GPC2: variants seen among roughly 807,000 people sequenced by gnomAD.
GPC2 encodes the protein glypican 2, also known as glypican-2.
Under a neutral mutation model 57.3 loss-of-function variants are expected in GPC2, and 42 were observed. The observed-to-expected ratio is 0.73, with a 90% CI of 0.57 to 0.95. GPC2 has a LOEUF of 0.95. Ranked by LOEUF, GPC2 falls within the 40% of genes least tolerant of loss-of-function variation. GPC2 has a pLI of 0.00. For missense variants in GPC2, 745 were observed against 793.6 expected (o/e 0.94, Z 0.74); for synonymous variants, 364 against 343.4 (o/e 1.06, Z -0.66).
rs1458449891 is a variant in GPC2 at position 100,175,262 on chromosome 7, C to T, written c.648+310G>A. ...TGAACCAGAGGAAGTCAAGGTGTTA[C>T]GATTAGGAAGGGGTTGGCACAAAGG... On this transcript the variant is annotated intron_variant, in intron 3 of 9. Transcript: ENST00000292377. Among the ~76,000 whole-genome samples, 3 of 152,204 alleles carry T rather than the reference C, an allele frequency of 2.0e-5. No homozygotes were observed. The South Asian group carries it at 6.2e-4, about 32-fold the overall frequency.
At chr7:100,172,295 G>C in intron 5 of GPC2, 78 bp from the exon 6 acceptor site, 4 of 1,473,938 alleles carry the variant, frequency 2.7e-6, no homozygotes, top group Non-Finnish European at 3.7e-6. Context: ...ATCCTCACTC[G>C]GGCCTTAGAG....
Position 100,176,306 on chromosome 7 carries a change from T to C in GPC2, c.226A>G (p.Arg76Gly). Reference protein sequence around the residue: ...YTCCSSETEQRLIRETEATFR... With the variant: ...YTCCSSETEQGLIRETEATFR... ...GTGGCCTCAGTCTCCCTGATCAGCCTCTGCTCTGTCTCACTGGAACAGCAG... is the reference window on the plus strand; with the variant it reads ...GTGGCCTCAGTCTCCCTGATCAGCCCCTGCTCTGTCTCACTGGAACAGCAG... Residue 76 changes from arginine to glycine, a missense_variant, in exon 2 of 10, where the codon AGG (arginine) becomes GGG (glycine). Transcript: ENST00000292377. 1 of 1,614,084 alleles carries C rather than the reference T, an allele frequency of 6.2e-7. No homozygotes were observed. The highest frequency in any genetic ancestry group is 1.7e-4 in the Middle Eastern group (1 of 6,060).
intron 1 of GPC2, 148 bp from the exon 2 acceptor site, chr7:100,176,513 C>T: frequency 1.4e-6 from 1 of 726,564 alleles, no homozygotes; most frequent in South Asian, 1.9e-5. Context: ...TGAACCTATC[C>T]CCTACCTTAT....
At chr7:100,174,559 A>G (rs900802459) in intron 4 of GPC2, 126 bp downstream of exon 4, 1 of 735,796 alleles carries the variant, frequency 1.4e-6, no homozygotes, top group Admixed American at 2.0e-5. Flanking sequence ...CTAGGACACC[A>G]GGGCCTGGAG....
Position 100,175,590 on chromosome 7 carries a change from G to C in GPC2, c.630C>G (p.Pro210=), listed in dbSNP as rs1799252340. 6.2e-7 allele frequency: 1 copy of C among 1,610,914 alleles called. No homozygotes were observed. The highest frequency in any genetic ancestry group is 1.7e-5 in the Admixed American group (1 of 59,524). ...DGSLQPFGDS[P]RRLRLQITRT... Reference sequence around the variant, plus strand: ...CCCTCACCTGCAGGCGGAGGCGGCGGGGTGAGTCCCCAAAGGGCTGCAGAG... The same window carrying C: ...CCCTCACCTGCAGGCGGAGGCGGCGCGGTGAGTCCCCAAAGGGCTGCAGAG... The change falls in exon 3 of 10, where the codon CCC becomes CCG. Residue 210 remains proline, a synonymous_variant. Transcript: ENST00000292377.
rs1414676071 is a variant in GPC2 at position 100,170,457 on chromosome 7, C to A, written c.1513G>T (p.Gly505Ter). 6.4e-7 allele frequency: 1 copy of A among 1,563,524 alleles called. No individual in the cohort carries two copies. Among genetic ancestry groups the A allele is most frequent in the South Asian group, 1.2e-5 (1 of 84,046 alleles). ...ADEDASGSGG[G>*]QQYADDWMAG... ...ATCCAGTCATCTGCATACTGCTGTCCCCCTCCAGAGCCGCTGGCATCCTCA... is the reference window on the plus strand; with the variant it reads ...ATCCAGTCATCTGCATACTGCTGTCACCCTCCAGAGCCGCTGGCATCCTCA... Residue 505 changes from glycine (G) to a stop codon, truncating the protein, a stop_gained, in exon 10 of 10, where the codon GGA becomes TGA. Coordinates refer to ENST00000292377, the MANE Select transcript of GPC2 (RefSeq NM_152742.3). LOFTEE classifies it high-confidence loss of function.
Position 100,171,424 on chromosome 7 carries a change from T to C in GPC2, c.1323A>G (p.Pro441=). ...GCTCGGCCGGGGAGCCCCCGACCAC[T>C]GGCGGCAAGTACCTGCGAGCAGAGC... ...TGAGRGRYLP[P]VVGGSPAEQV... is the part of the protein sequence containing the mutation. The change falls in exon 9 of 10, where the codon CCA becomes CCG. Residue 441 remains proline (P), a synonymous_variant. Coordinates refer to ENST00000292377, the MANE Select transcript of GPC2 (RefSeq NM_152742.3). This position sits in a 1 kb window ranked among gnomAD's most constrained non-coding sequence, Gnocchi z 4.8. 6.9e-7 allele frequency: 1 copy of C among 1,459,410 alleles called. No homozygotes were observed. Among genetic ancestry groups the C allele is most frequent in the Non-Finnish European group, 9.0e-7 (1 of 1,107,700 alleles). 90.4% of individuals were successfully genotyped at this position (1,459,410 alleles called of 1,614,324 possible).
chr7:100,174,761 G>T lies in GPC2; in HGVS notation c.653C>A (p.Thr218Asn). The change falls in exon 4 of 10, where the codon ACC becomes AAC. Residue 218 changes from threonine (T) to asparagine (N), a missense_variant. Thr to Asn is a moderately conservative substitution (Grantham distance 65). Around this residue, in one of 2 missense-constraint regions of GPC2, gnomAD observed 607 missense variants for 603.9 expected, o/e 1.01. Coordinates refer to ENST00000292377, the MANE Select transcript of GPC2 (RefSeq NM_152742.3). ...GGCTCGGGCAGCCACCAGGGTCCGG[G>T]TTATCTGGGAGAAGGCAAAGAAGGT... ...DSPRRLRLQITRTLVAARAFV... is the reference protein window; with the variant it reads ...DSPRRLRLQINRTLVAARAFV... 6.2e-7 allele frequency: 1 copy of T among 1,613,806 alleles called. No individual in the cohort carries two copies. The highest frequency in any genetic ancestry group is 8.5e-7 in the Non-Finnish European group (1 of 1,179,732).
Position 100,170,144 on chromosome 7 carries a change from C to G in GPC2, c.*86G>C, listed in dbSNP as rs1460569793. 3 of 1,393,632 alleles carry G rather than the reference C, an allele frequency of 2.2e-6. No homozygotes were observed. The African/African-American group carries it at 4.4e-5, about 20-fold the overall frequency. The allele number at this position is 1,393,632 out of a possible 1,614,324, so 86.3% of individuals were successfully genotyped here. On this transcript the variant is annotated 3_prime_UTR_variant, in exon 10 of 10. Coordinates refer to ENST00000292377, the MANE Select transcript of GPC2 (RefSeq NM_152742.3). ...TCCCTTCTCTACCCTCTCTGCAGCC[C>G]CCTTCGACTCCTCCCCAGGCCCAGC...
At chr7:100,172,763 GTATATA>G (rs1206784249) in intron 5 of GPC2, among the ~76,000 whole-genome samples, 1 of 110,744 alleles carries the variant, frequency 9.0e-6, no homozygotes, top group African/African-American at 2.7e-5. Context: ...ATATATGTGT[GTATATA>G]TATATGTGTG....
intron 4 of GPC2, 199 bp downstream of exon 4, chr7:100,174,486 T>C: frequency 1.5e-6 from 1 of 666,378 alleles, no homozygotes; most frequent in Non-Finnish European, 2.7e-6. Flanking sequence ...GAGGAGGGGG[T>C]CAGAGATCAT....
Position 100,175,768 on chromosome 7 carries a change from A to C in GPC2, c.452T>G (p.Phe151Cys), listed in dbSNP as rs200319192. ...CAACCCCTCACCAGATTCCCCATAG[A>C]AGTCTCGCAGCCGAGAGAACAGGCC... Reference protein sequence around the residue: ...FNGLFSRLRDFYGESGEGLDD... With the variant: ...FNGLFSRLRDCYGESGEGLDD... The change falls in exon 3 of 10, where the codon TTC becomes TGC. Residue 151 changes from phenylalanine to cysteine, a missense_variant. Physicochemically the swap from Phe to Cys is radical, Grantham distance 205. This residue lies in a region of GPC2 where 607 missense variants were observed against 603.9 expected (regional missense o/e 1.01). Transcript: ENST00000292377. 128 of 1,613,964 alleles carry C rather than the reference A, an allele frequency of 7.9e-5. No individual in the cohort carries two copies. Among genetic ancestry groups the C allele is most frequent in the Non-Finnish European group, 1.0e-4 (122 of 1,180,010 alleles).
Position 100,170,378 on chromosome 7 carries a change from C to T in GPC2, c.1592G>A (p.Arg531Lys), listed in dbSNP as rs768697980. The T allele has an allele frequency of 1.2e-6, 2 of 1,613,142 alleles. No individual in the cohort carries two copies. Among genetic ancestry groups the T allele is most frequent in the Non-Finnish European group, 8.5e-7 (1 of 1,179,592 alleles). The part of the protein sequence containing the change: ...ARPPRPPYPP[R>K]RDGSGGKGGG... ...TCCTTTGCCCCCAGAACCATCCCTTCTAGGAGGGTATGGAGGCCGAGGAGG... is the reference window on the plus strand; with the variant it reads ...TCCTTTGCCCCCAGAACCATCCCTTTTAGGAGGGTATGGAGGCCGAGGAGG... Residue 531 changes from arginine (R) to lysine (K), a missense_variant, in exon 10 of 10, where the codon AGA (arginine) becomes AAA (lysine). Physicochemically the swap from Arg to Lys is conservative, Grantham distance 26 (BLOSUM62 2). Coordinates refer to ENST00000292377, the MANE Select transcript of GPC2 (RefSeq NM_152742.3).
At chr7:100,172,341 T>G in intron 5 of GPC2, 124 bp from the exon 6 acceptor site, 1 of 1,021,716 alleles carries the variant, frequency 9.8e-7, no homozygotes, top group East Asian at 2.6e-5. Context: ...TCACATGAGC[T>G]CCCTCTCATG....
Position 100,175,725 on chromosome 7 carries a change from A to G in GPC2, c.495T>C (p.Asp165=). The stretch of plus-strand genomic sequence containing the variant: ...CTCTCTCCAGGAGCTGTGCCCAGAA[A>G]TCCGCCAGGGTGTCATCCAACCCCT... ...SGEGLDDTLA[D]FWAQLLERVF... is the part of the protein sequence containing the mutation. Residue 165 remains aspartate, a synonymous_variant, in exon 3 of 10, where the codon GAT becomes GAC. Coordinates refer to ENST00000292377, the MANE Select transcript of GPC2 (RefSeq NM_152742.3). 1 of 1,614,094 alleles carries G rather than the reference A, an allele frequency of 6.2e-7. No homozygotes were observed. The highest frequency in any genetic ancestry group is 8.5e-7 in the Non-Finnish European group (1 of 1,180,002).
In GPC2 at chr7:100,172,135, C is replaced by T. The variant is rs777401665; in HGVS notation, c.975G>A (p.Ser325=). 2.5e-6 allele frequency: 4 copies of T among 1,614,026 alleles called. No homozygotes were observed. Among genetic ancestry groups the T allele is most frequent in the Admixed American group, 3.3e-5 (2 of 59,998 alleles). Residue 325 remains serine, a synonymous_variant, in exon 6 of 10, where the codon TCG becomes TCA. Coordinates refer to ENST00000292377, the MANE Select transcript of GPC2 (RefSeq NM_152742.3). ...TTTCCTGCAGGTACATCAAACCCTC[C>T]GAGATCTTCACCCCAATGGACTCGG... is the stretch of plus-strand genomic sequence containing the variant. ...LTAESIGVKI[S]EGLMYLQENS...
intron 9 of GPC2, among the ~76,000 whole-genome samples, 200 bp from the exon 10 acceptor site, chr7:100,170,683 A>C (rs1000444312): frequency 6.6e-6 from 1 of 151,990 alleles, no homozygotes; most frequent in Non-Finnish European, 1.5e-5. Context: ...GACAGCAGAC[A>C]TGGGGGGAGA....
intron 5 of GPC2, among the ~76,000 whole-genome samples, chr7:100,172,888 CAA>C (rs369558516): frequency 7.1e-6 from 1 of 140,314 alleles, no homozygotes; most frequent in African/African-American, 2.6e-5. Flanking sequence ...GTCTTTGTCT[CAA>C]AAAAAAAAGA....
At chr7:100,174,163 A>G in intron 4 of GPC2, 166 bp from the exon 5 acceptor site, 1 of 570,352 alleles carries the variant, frequency 1.8e-6, no homozygotes, top group Non-Finnish European at 3.0e-6. Context: ...GGGAGGTTCC[A>G]GGTTGCTGAC....
Sources: gnomAD v4.1 joint callset for allele counts (sites outside exome capture counted in the v4.1 genomes callset) on GRCh38, gnomAD v4.1.1 for gene constraint, gnomAD v4.1.1 regional missense constraint, Gnocchi (gnomAD v3.1) non-coding constraint, MANE v1.5 for transcripts, NCBI Gene and HGNC (gene_info 2026-07-23, HGNC 2026-07-21) for gene names.